PDE4B: variants seen among roughly 807,000 people sequenced by gnomAD.
PDE4B encodes the protein 3',5'-cyclic-AMP phosphodiesterase 4B.
Under a neutral mutation model 82.2 loss-of-function variants are expected in PDE4B, and 20 were observed. That is an observed-to-expected ratio of 0.24 (90% CI 0.17 to 0.35). PDE4B has a LOEUF of 0.35. Among genes scored for constraint, PDE4B ranks in the 10% least tolerant of loss-of-function variants. The pLI, the probability that PDE4B is intolerant of heterozygous loss-of-function variation, is 1.00. For missense variants in PDE4B, 655 were observed against 907.2 expected, an observed-to-expected ratio of 0.72 and a Z score of 3.57; for synonymous variants, 320 against 318.9, an observed-to-expected ratio of 1.00 and a Z score of -0.04.
chr1:66,247,069 A>C (rs1472105723), intron 3 of PDE4B, among the ~76,000 whole-genome samples: 1 of 152,184 alleles, frequency 6.6e-6, no homozygotes, highest in Non-Finnish European at 1.5e-5. Context: ...AGGGTCTGAC[A>C]CCTAGAGCTG....
intron 1 of PDE4B, among the ~76,000 whole-genome samples, chr1:65,912,389 T>A (rs921896279): frequency 3.3e-5 from 5 of 152,110 alleles, no homozygotes; most frequent in African/African-American, 1.2e-4. Context: ...TTTACCCCCC[T>A]CCCACTCTCT....
chr1:65,940,977 AT>A (rs1648413821), intron 3 of PDE4B, among the ~76,000 whole-genome samples: 1 of 151,172 alleles, frequency 6.6e-6, no homozygotes, highest in Non-Finnish European at 1.5e-5. Flanking sequence ...CACCATATAG[AT>A]TTAACAAATG....
At chr1:66,053,078 T>C (rs899282198) in intron 3 of PDE4B, among the ~76,000 whole-genome samples, 3 of 152,230 alleles carry the variant, frequency 2.0e-5, no homozygotes, top group African/African-American at 4.8e-5. Context: ...TTCTACAGTA[T>C]ATGGCCTGAA....
At chr1:65,950,032 T>C (rs930506887) in intron 3 of PDE4B, among the ~76,000 whole-genome samples, 7 of 152,070 alleles carry the variant, frequency 4.6e-5, no homozygotes. Context: ...GTGGCTGCCA[T>C]CCAGGTGCAG....
chr1:66,056,315 A>G (rs911014295), intron 3 of PDE4B, among the ~76,000 whole-genome samples: 5 of 152,182 alleles, frequency 3.3e-5, no homozygotes, highest in African/African-American at 1.2e-4. Flanking sequence ...TGTGTGTAAA[A>G]TTGCCTTTCC....
At chr1:66,346,725 G>A (rs1381908637) in intron 8 of PDE4B, among the ~76,000 whole-genome samples, 1 of 152,146 alleles carries the variant, frequency 6.6e-6, no homozygotes, top group Non-Finnish European at 1.5e-5. Flanking sequence ...AAGTATCAAA[G>A]AACCAACTGA....
intron 3 of PDE4B, among the ~76,000 whole-genome samples, chr1:66,218,250 C>T (rs911049512): frequency 2.0e-5 from 3 of 151,920 alleles, no homozygotes; most frequent in Non-Finnish European, 2.9e-5. Context: ...TGATGTCGGC[C>T]GATATCTCAA....
intron 3 of PDE4B, among the ~76,000 whole-genome samples, chr1:66,077,056 G>A (rs1656470798): frequency 6.6e-6 from 1 of 152,002 alleles, no homozygotes; most frequent in Non-Finnish European, 1.5e-5. Flanking sequence ...TGCTGGATTT[G>A]ATTTTGAGGA....
intron 7 of PDE4B, among the ~76,000 whole-genome samples, chr1:66,310,364 G>A (rs570668579): frequency 2.6e-5 from 4 of 152,142 alleles, no homozygotes; most frequent in Admixed American, 1.3e-4. Context: ...TCTCTTCCCC[G>A]CTGCCCTCAG....
chr1:66,035,794 G>T (rs1045951062), intron 3 of PDE4B, among the ~76,000 whole-genome samples: 1 of 152,060 alleles, frequency 6.6e-6, no homozygotes, highest in Non-Finnish European at 1.5e-5. Context: ...GAATATTGCT[G>T]CAATGAATAT....
chr1:66,107,304 A>G (rs1320699457), intron 3 of PDE4B, among the ~76,000 whole-genome samples: 2 of 151,956 alleles, frequency 1.3e-5, no homozygotes, highest in Admixed American at 6.6e-5. Context: ...TCTGAGAGAC[A>G]GTTTGTTATA....
chr1:66,166,224 C>G (rs1035868341), intron 3 of PDE4B, among the ~76,000 whole-genome samples: 27 of 152,188 alleles, frequency 1.8e-4, no homozygotes, highest in Middle Eastern at 6.8e-3. Flanking sequence ...CTAATTTACT[C>G]CATGTACAAA....
chr1:65,970,991 T>C (rs1650101703), intron 3 of PDE4B, among the ~76,000 whole-genome samples: 3 of 150,460 alleles, frequency 2.0e-5, no homozygotes, highest in African/African-American at 7.3e-5. Context: ...GAGGAGAGGC[T>C]AAAGAGCTTC....
chr1:65,827,370 C>A (rs971703704), intron 1 of PDE4B, among the ~76,000 whole-genome samples: 11 of 151,956 alleles, frequency 7.2e-5, no homozygotes, highest in African/African-American at 2.2e-4. Flanking sequence ...AACTGATTAG[C>A]ATGTTAAAAA....
intron 3 of PDE4B, among the ~76,000 whole-genome samples, chr1:66,140,168 A>G (rs1012790803): frequency 6.6e-6 from 1 of 152,106 alleles, no homozygotes; most frequent in African/African-American, 2.4e-5. Context: ...TTATCACCCA[A>G]TTAAAAATGA....
At chr1:65,828,622 T>A (rs1646046480) in intron 1 of PDE4B, among the ~76,000 whole-genome samples, 1 of 152,126 alleles carries the variant, frequency 6.6e-6, no homozygotes, top group African/African-American at 2.4e-5. Context: ...TTTTGTAACA[T>A]ATAATCAAGT....
rs79641588 is a variant in PDE4B at position 65,866,519 on chromosome 1, C to T, written c.-70-46726C>T. Among the ~76,000 whole-genome samples the T allele has an allele frequency of 4.9e-3, 749 of 152,154 alleles. 8 individuals carry two copies. The highest frequency in any genetic ancestry group is 0.017 in the African/African-American group (706 of 41,530). On this transcript the variant is annotated intron_variant, in intron 1 of 16. Transcript: ENST00000341517. ...TTTTTGAATTTCCCTGTATTCACCA[C>T]AAAAAGTGAAAAAGAAACTTTTTTT...
chr1:66,062,779 C>CT (rs1160419188), intron 3 of PDE4B: 4 of 152,048 alleles, frequency 2.6e-5, no homozygotes, highest in Admixed American at 6.6e-5. Flanking sequence ...TAAAAAGAAA[C>CT]TTTCAGTATC....
chr1:66,194,789 C>G (rs759384708), intron 3 of PDE4B, among the ~76,000 whole-genome samples: 1 of 152,070 alleles, frequency 6.6e-6, no homozygotes, highest in Non-Finnish European at 1.5e-5. Context: ...TCCTTGAGGA[C>G]AAGGGCCATT....
Sources: gnomAD v4.1 joint callset for allele counts (sites outside exome capture counted in the v4.1 genomes callset) on GRCh38, gnomAD v4.1.1 for gene constraint, MANE v1.5 for transcripts, NCBI Gene and HGNC (gene_info 2026-07-23, HGNC 2026-07-21) for gene names.